The following NBPF12 variants were observed in gnomAD, a reference collection of about 807,000 sequenced individuals.
The protein encoded by NBPF12 is NBPF member 12, also known as NBPF family member NBPF12.
In NBPF12, 115 loss-of-function variants were observed where a neutral mutation model predicts 146.4. The ratio of observed to expected loss-of-function variants is 0.79; its 90% confidence interval spans 0.68 to 0.92. NBPF12 has a LOEUF of 0.92. Among genes scored for constraint, NBPF12 ranks in the 40% least tolerant of loss-of-function variants. The probability of loss-of-function intolerance (pLI) is 0.00; values close to 1 mark genes in which losing one functional copy is unlikely to be tolerated. For missense variants in NBPF12, 1,205 were observed against 1,326.8 expected, an observed-to-expected ratio of 0.91 and a Z score of 1.43; for synonymous variants, 385 against 508.9, an observed-to-expected ratio of 0.76 and a Z score of 3.28.
rs1655982353 is a variant in NBPF12, at chr1:146,963,374, A to T, written c.493+65A>T. ...CTTATGAGAGGCTCCAGACCTCCATACTTTCATGATGACAGTTGTATCAGT... is the reference window on the plus strand; with the variant it reads ...CTTATGAGAGGCTCCAGACCTCCATTCTTTCATGATGACAGTTGTATCAGT... On this transcript the variant is annotated intron_variant, in intron 6 of 33. Transcript: ENST00000617844. The T allele has an allele frequency of 1.5e-5, 24 of 1,590,080 alleles. 1 individual carries two copies. The East Asian group carries it at 4.7e-4, about 31-fold the overall frequency.
chr1:146,984,595 G>C (rs1187175780), intron 21 of NBPF12, among the ~76,000 whole-genome samples: 20 of 132,822 alleles, frequency 1.5e-4, no homozygotes, highest in African/African-American at 7.2e-4. Flanking sequence ...GTGTGTGTGT[G>C]TGTGTGTGTG....
intron 1 of NBPF12, among the ~76,000 whole-genome samples, chr1:146,940,835 C>T (rs1474155228): frequency 2.6e-5 from 4 of 151,752 alleles, no homozygotes; most frequent in Middle Eastern, 3.2e-3. Flanking sequence ...TATATCAATG[C>T]GGTTTCAACT....
exon 8 of NBPF12, chr1:146,965,073 T>G: frequency 6.2e-7 from 1 of 1,603,280 alleles, no homozygotes; most frequent in Non-Finnish European, 8.5e-7. Context: ...CCTCTCATGA[T>G]GAATGTCAGG....
intron 14 of NBPF12, 93 bp downstream of exon 17, chr1:146,973,053 C>T: frequency 2.8e-6 from 2 of 723,230 alleles, no homozygotes; most frequent in East Asian, 2.5e-5. Context: ...AAAATAATGT[C>T]ATCCTCCCCA....
chr1:146,970,560 G>A (rs1327579186), intron 11 of NBPF12, 87 bp from the exon 15 acceptor site: 1 of 1,502,002 alleles, frequency 6.7e-7, no homozygotes, highest in Admixed American at 1.7e-5. Context: ...ACCATACATA[G>A]ATGTTCATGT....
chr1:146,965,447 C>G (rs1656124665), intron 8 of NBPF12, among the ~76,000 whole-genome samples: 1 of 146,270 alleles, frequency 6.8e-6, no homozygotes, highest in South Asian at 2.2e-4. Context: ...TCATTCACTT[C>G]TGTCAGGCTA....
At chr1:146,989,303 A>G (rs1444239568) in intron 27 of NBPF12, among the ~76,000 whole-genome samples, 4 of 145,818 alleles carry the variant, frequency 2.7e-5, no homozygotes, top group Admixed American at 2.1e-4. Context: ...CCTTACCAGT[A>G]TGTCACCTGG....
Position 146,942,180 on chromosome 1 carries a change from G to T in NBPF12, c.-821-1111G>T, listed in dbSNP as rs1488056240. On this transcript the variant is annotated intron_variant, in intron 1 of 35. Transcript: ENST00000617931. ...CTAATTTTTTATTTTTTGTAGACAG[G>T]GTCTTCCTATGGTGCCCAGACTAGT... Among the ~76,000 whole-genome samples the T allele has an allele frequency of 8.0e-4, 122 of 151,590 alleles. 3 individuals are homozygous for T. Among genetic ancestry groups the T allele is most frequent in the African/African-American group, 2.9e-3 (120 of 41,052 alleles).
At chr1:146,941,107 A>G (rs1214032887) in intron 1 of NBPF12, among the ~76,000 whole-genome samples, 2 of 151,508 alleles carry the variant, frequency 1.3e-5, no homozygotes, top group Non-Finnish European at 2.9e-5. Flanking sequence ...TTTTTGAGAC[A>G]AGATCTCACT....
chr1:146,994,425 A>G (rs587762578), exon 34 of NBPF12: 23 of 1,612,142 alleles, frequency 1.4e-5, no homozygotes, highest in Non-Finnish European at 1.9e-5. Context: ...ACTTTGAACT[A>G]CCTGACTCAT....
chr1:146,946,505 C>G (rs1313791785), upstream of NBPF12, among the ~76,000 whole-genome samples: 1 of 78,040 alleles, frequency 1.3e-5, no homozygotes, highest in Non-Finnish European at 2.5e-5. Flanking sequence ...GTGTTCAGAT[C>G]TTTCACCTTT....
chr1:146,995,518 A>G lies in NBPF12; in HGVS notation c.*943A>G, dbSNP rs1356263553. 11 of 151,490 alleles carry G rather than the reference A, an allele frequency of 7.3e-5. 1 individual carries two copies. The South Asian group carries it at 1.9e-3, about 26-fold the overall frequency. 9.4% of individuals were successfully genotyped at this position (151,490 alleles called of 1,614,324 possible). ...TTTCTTTAGTTATTTTGAACCCCAA[A>G]TATTTCCTCATCTTTTTGTTGTTGT... On this transcript the variant is annotated 3_prime_UTR_variant, in exon 34 of 34. Transcript: ENST00000617844.
chr1:146,958,244 C>T lies in NBPF12; in HGVS notation c.-183-1615C>T, dbSNP rs1259552271. Among the ~76,000 whole-genome samples the T allele has an allele frequency of 2.5e-5, 3 of 121,540 alleles. 1 individual carries two copies. In the East Asian group the frequency reaches 8.9e-4, roughly 36 times the overall value. 79.7% of individuals were successfully genotyped at this position (121,540 alleles called of 152,430 possible). On this transcript the variant is annotated intron_variant, in intron 2 of 33. Coordinates refer to ENST00000617844, the Ensembl canonical transcript of NBPF12. ...GAGTGAGAACATGCTCGCACCGCCG[C>T]TTCTAAATGTTTTAAAAACAAAGAC...
upstream of NBPF12, among the ~76,000 whole-genome samples, chr1:146,946,512 C>CTTTT (rs3071268): frequency 4.9e-5 from 2 of 41,042 alleles, no homozygotes; most frequent in African/African-American, 1.0e-4. Flanking sequence ...GATCTTTCAC[C>CTTTT]TTTTTTTTTT....
chr1:146,953,305 A>G (rs1402941963), intron 2 of NBPF12, among the ~76,000 whole-genome samples: 17 of 141,720 alleles, frequency 1.2e-4, no homozygotes, highest in Middle Eastern at 3.2e-3. Flanking sequence ...GAAAAGCTCT[A>G]GTTCTGAGGA....
intron 33 of NBPF12, 94 bp from the exon 37 acceptor site, chr1:146,994,238 C>G (rs75674396): frequency 0.28 from 444,156 of 1,602,646 alleles, 62,497 homozygotes; most frequent in South Asian, 0.46. Context: ...TTTTTCTTTT[C>G]TAACCACTTC....
rs1300958391 is a variant in NBPF12, at chr1:146,976,376, G to GATGAAGCCC, written c.2119+486_2119+494dup. Among the ~76,000 whole-genome samples the GATGAAGCCC allele has an allele frequency of 2.9e-5, 4 of 137,022 alleles. No homozygotes were observed. The East Asian group carries it at 9.1e-4, about 31-fold the overall frequency. 89.9% of individuals were successfully genotyped at this position (137,022 alleles called of 152,430 possible). On this transcript the variant is annotated intron_variant, in intron 16 of 33. Transcript: ENST00000617844. Reference sequence around the variant, plus strand: ...CACTTACAACTGCTTTCCAAAATGAGATGAAGCCCCTCTCCGTGTGGTGTT... The same window carrying GATGAAGCCC: ...CACTTACAACTGCTTTCCAAAATGAGATGAAGCCCATGAAGCCCCTCTCCGTGTGGTGTT...
At chr1:146,956,203 C>T (rs1240280851) in intron 2 of NBPF12, among the ~76,000 whole-genome samples, 12 of 151,660 alleles carry the variant, frequency 7.9e-5, no homozygotes, top group African/African-American at 2.7e-4. Flanking sequence ...TCAGTCTTTA[C>T]AAGACATTAC....
At position 146,962,884 on chromosome 1, in the gene NBPF12, C is replaced by T. The variant is rs1373497788; in HGVS notation, c.279-211C>T. ...AAGAGAAAGATGAATGGAACATCAT[C>T]GAGGATCTTGCAGGAGCCCTCTCTG... On this transcript the variant is annotated intron_variant, in intron 5 of 33. Transcript: ENST00000617844. 1.6e-3 allele frequency among the ~76,000 whole-genome samples: 247 copies of T among 151,414 alleles called. 1 individual carries two copies. The highest frequency in any genetic ancestry group is 5.1e-3 in the African/African-American group (210 of 41,090).
Sources: gnomAD v4.1 joint callset for allele counts (sites outside exome capture counted in the v4.1 genomes callset) on GRCh38, gnomAD v4.1.1 for gene constraint, MANE v1.5 for transcripts, NCBI Gene and HGNC (gene_info 2026-07-23, HGNC 2026-07-21) for gene names.